The following CHCHD6 variants were observed in gnomAD, a reference collection of about 807,000 sequenced individuals.
CHCHD6 encodes the protein MICOS complex subunit MIC25.
CHCHD6 carries 28 observed loss-of-function variants against 32.3 expected under a neutral mutation model. That is an observed-to-expected ratio of 0.87 (90% CI 0.64 to 1.19). The LOEUF (loss-of-function observed/expected upper bound fraction) is 1.19. Ranked by LOEUF, CHCHD6 falls within the 50% of genes most tolerant of loss-of-function variation. The probability of loss-of-function intolerance (pLI) is 0.00; values close to 1 mark genes in which losing one functional copy is unlikely to be tolerated. For synonymous variants in CHCHD6, 122 were observed against 117.5 expected (o/e 1.04, Z -0.25); for missense variants, 333 against 307.0 (o/e 1.08, Z -0.63).
intron 4 of CHCHD6, among the ~76,000 whole-genome samples, chr3:126,849,990 C>T (rs1243369142): frequency 6.6e-6 from 1 of 152,098 alleles, no homozygotes; most frequent in Non-Finnish European, 1.5e-5. Flanking sequence ...GCCCAGTGTG[C>T]TCTTCCATAC....
intron 5 of CHCHD6, among the ~76,000 whole-genome samples, chr3:126,913,169 A>G (rs1191035268): frequency 8.0e-6 from 1 of 124,718 alleles, no homozygotes; most frequent in East Asian, 2.6e-4. Context: ...CCATTTGCTC[A>G]TCTGTAGAAC....
intron 4 of CHCHD6, among the ~76,000 whole-genome samples, chr3:126,734,097 T>C (rs532911378): frequency 1.3e-5 from 2 of 152,308 alleles, no homozygotes; most frequent in African/African-American, 4.8e-5. Context: ...GGGATAACTT[T>C]CCTAGAAGCT....
At chr3:126,761,500 A>C (rs1937161423) in intron 4 of CHCHD6, among the ~76,000 whole-genome samples, 1 of 152,072 alleles carries the variant, frequency 6.6e-6, no homozygotes, top group Non-Finnish European at 1.5e-5. Context: ...ATCATAGCTA[A>C]CTCCAGCCTC....
chr3:126,910,273 G>GAA (rs547565601), intron 5 of CHCHD6, among the ~76,000 whole-genome samples: 15 of 111,458 alleles, frequency 1.3e-4, no homozygotes, highest in South Asian at 6.4e-4. Context: ...CCTGCCTCAG[G>GAA]AAAAAAAAAA....
intron 4 of CHCHD6, among the ~76,000 whole-genome samples, chr3:126,812,551 G>A (rs992017919): frequency 6.6e-6 from 1 of 151,042 alleles, no homozygotes; most frequent in Non-Finnish European, 1.5e-5. Context: ...AGTTTCCCTA[G>A]TATGCTGGGA....
intron 4 of CHCHD6, among the ~76,000 whole-genome samples, chr3:126,775,402 C>G (rs1389398913): frequency 2.0e-5 from 3 of 152,112 alleles, no homozygotes; most frequent in African/African-American, 7.2e-5. Flanking sequence ...TGAATTGCCT[C>G]TTCATGTCCC....
At chr3:126,801,424 C>T (rs948220014) in intron 4 of CHCHD6, among the ~76,000 whole-genome samples, 10 of 151,798 alleles carry the variant, frequency 6.6e-5, no homozygotes, top group East Asian at 5.8e-4. Context: ...GCACCTGGCT[C>T]GGAGGATCCT....
At chr3:126,741,248 G>T (rs1000090400) in intron 4 of CHCHD6, among the ~76,000 whole-genome samples, 2 of 152,174 alleles carry the variant, frequency 1.3e-5, no homozygotes, top group African/African-American at 4.8e-5. Context: ...GCTGTGCGCC[G>T]TTGGGAAAGT....
Position 126,833,722 on chromosome 3 carries a change from G to A in CHCHD6, c.412-18925G>A, listed in dbSNP as rs552566029. 3.3e-5 allele frequency among the ~76,000 whole-genome samples: 5 copies of A among 152,302 alleles called. No homozygotes were observed. The South Asian group carries it at 1.0e-3, about 32-fold the overall frequency. On this transcript the variant is annotated intron_variant, in intron 4 of 7. Coordinates refer to ENST00000290913, the MANE Select transcript of CHCHD6 (RefSeq NM_032343.3). ...CTCGAGAAGATTGTTGAAAATTACA[G>A]CACTGTATTTGCTGGCCTGTGTTTT...
rs1472567946 is a variant in CHCHD6, at chr3:126,821,072, A to G, written c.412-31575A>G. Among the ~76,000 whole-genome samples the G allele has an allele frequency of 2.6e-5, 4 of 152,208 alleles. No homozygotes were observed. The East Asian group carries it at 5.8e-4, about 22-fold the overall frequency. ...ACATTTCATGTAAATATTTAAGGCCATACAATATGTGGCCTTTGTGGTTGG... is the reference window on the plus strand; with the variant it reads ...ACATTTCATGTAAATATTTAAGGCCGTACAATATGTGGCCTTTGTGGTTGG... On this transcript the variant is annotated intron_variant, in intron 4 of 7. Transcript: ENST00000290913.
At chr3:126,764,222 TATAA>T (rs1937273461) in intron 4 of CHCHD6, among the ~76,000 whole-genome samples, 1 of 147,358 alleles carries the variant, frequency 6.8e-6, no homozygotes, top group African/African-American at 2.5e-5. Flanking sequence ...TATATATATA[TATAA>T]ATATATGAAA....
At chr3:126,947,356 G>A (rs1202249258) in intron 6 of CHCHD6, among the ~76,000 whole-genome samples, 1 of 152,270 alleles carries the variant, frequency 6.6e-6, no homozygotes, top group African/African-American at 2.4e-5. Flanking sequence ...AATGGGAGTT[G>A]GCAAGCTTCT....
intron 4 of CHCHD6, among the ~76,000 whole-genome samples, chr3:126,814,424 A>T (rs1215514626): frequency 6.6e-6 from 1 of 152,210 alleles, no homozygotes; most frequent in East Asian, 1.9e-4. Context: ...TGATTGACTG[A>T]TAACTTCAGC....
At chr3:126,704,427 G>C in intron 1 of CHCHD6, 28 bp downstream of exon 1, 1 of 1,435,766 alleles carries the variant, frequency 7.0e-7, no homozygotes, top group Non-Finnish European at 9.2e-7. Flanking sequence ...GGCCGGGGCG[G>C]GCGTGGAGGC....
At chr3:126,786,529 A>G (rs375895384) in intron 4 of CHCHD6, among the ~76,000 whole-genome samples, 3 of 151,968 alleles carry the variant, frequency 2.0e-5, no homozygotes, top group Admixed American at 6.6e-5. Flanking sequence ...TCTAACTGGT[A>G]TGAGATGGTA....
intron 4 of CHCHD6, among the ~76,000 whole-genome samples, chr3:126,796,343 C>A (rs9811404): frequency 0.054 from 8,239 of 152,156 alleles, 337 homozygotes; most frequent in South Asian, 0.19. Flanking sequence ...GAGTGAGAGA[C>A]CCTGTCAATC....
intron 5 of CHCHD6, among the ~76,000 whole-genome samples, chr3:126,894,478 A>G (rs75949709): frequency 0.012 from 1,812 of 152,338 alleles, 19 homozygotes; most frequent in Middle Eastern, 0.048. Flanking sequence ...TGTGCAAGGA[A>G]CAGGATGGAT....
At chr3:126,720,532 G>A (rs150562438) in intron 1 of CHCHD6, among the ~76,000 whole-genome samples, 5 of 152,314 alleles carry the variant, frequency 3.3e-5, no homozygotes, top group African/African-American at 1.2e-4. Flanking sequence ...AGTTTCTATG[G>A]TGGATATACC....
At chr3:126,756,709 C>T (rs1228066953) in intron 4 of CHCHD6, among the ~76,000 whole-genome samples, 2 of 152,206 alleles carry the variant, frequency 1.3e-5, no homozygotes, top group Non-Finnish European at 2.9e-5. Context: ...CCTATTCACT[C>T]AACAGGTATT....
Sources: allele counts gnomAD v4.1 joint callset (sites outside exome capture counted in the v4.1 genomes callset), GRCh38; gene constraint gnomAD v4.1.1; transcripts MANE v1.5; gene names NCBI Gene and HGNC (gene_info 2026-07-23, HGNC 2026-07-21).